TENM4: variants seen among roughly 807,000 people sequenced by gnomAD.
TENM4 encodes the protein teneurin-4.
Under a neutral mutation model 243.3 loss-of-function variants are expected in TENM4, and 82 were observed. The ratio of observed to expected loss-of-function variants is 0.34; its 90% confidence interval spans 0.28 to 0.40. The LOEUF (loss-of-function observed/expected upper bound fraction) is 0.40. TENM4 is among the 10% of genes least tolerant of loss of function. The probability of loss-of-function intolerance (pLI) is 1.00; values close to 1 mark genes in which losing one functional copy is unlikely to be tolerated. For synonymous variants in TENM4, 1,412 were observed against 1,456.3 expected (o/e 0.97, Z 0.69); for missense variants, 3,138 against 3,673.3 (o/e 0.85, Z 3.77).
At position 78,688,137 on chromosome 11, in the gene TENM4, A is replaced by C. The variant is rs770379416; in HGVS notation, c.5177T>G (p.Val1726Gly). 6.2e-7 allele frequency: 1 copy of C among 1,613,922 alleles called. No homozygotes were observed. Among genetic ancestry groups the C allele is most frequent in the Non-Finnish European group, 8.5e-7 (1 of 1,179,874 alleles). Reference sequence around the variant, plus strand: ...ATCCTTGCTGGAGGTCTCTACCTGGACATGCACTGAACTGTCTGTATCACT... The same window carrying C: ...ATCCTTGCTGGAGGTCTCTACCTGGCCATGCACTGAACTGTCTGTATCACT... The part of the protein sequence containing the change: ...FRSDTDSSVH[V>G]QVETSSKDDV... Residue 1726 changes from valine (V) to glycine (G), a missense_variant, in exon 29 of 34, where the codon GTC becomes GGC. Transcript: ENST00000278550.
At chr11:78,819,704 CA>C (rs1163528030) in intron 12 of TENM4, among the ~76,000 whole-genome samples, 22 of 152,234 alleles carry the variant, frequency 1.4e-4, no homozygotes, top group Non-Finnish European at 3.2e-4. Flanking sequence ...GCTCACCCCA[CA>C]CTTTATCCCT....
chr11:79,428,679 CTGAG>C (rs1859105065), intron 1 of TENM4, among the ~76,000 whole-genome samples: 1 of 152,286 alleles, frequency 6.6e-6, no homozygotes, highest in African/African-American at 2.4e-5. Context: ...AGAGGACAGG[CTGAG>C]TAAGAAGGCC....
At chr11:79,392,394 G>T (rs192559051) in intron 1 of TENM4, among the ~76,000 whole-genome samples, 1 of 152,346 alleles carries the variant, frequency 6.6e-6, no homozygotes, top group Non-Finnish European at 1.5e-5. Context: ...ATTGCTGATG[G>T]CCTTGGGGCA....
At chr11:78,671,911 G>C in intron 31 of TENM4, 122 bp downstream of exon 31, 1 of 1,312,652 alleles carries the variant, frequency 7.6e-7, no homozygotes, top group Non-Finnish European at 1.0e-6. Context: ...AGACTTTCCT[G>C]AACATTTCCT....
At chr11:79,225,027 G>A (rs1450745214) in intron 2 of TENM4, among the ~76,000 whole-genome samples, 1 of 152,118 alleles carries the variant, frequency 6.6e-6, no homozygotes, top group South Asian at 2.1e-4. Flanking sequence ...GTGAAGATGG[G>A]ATTCACGCTG....
intron 1 of TENM4, among the ~76,000 whole-genome samples, chr11:79,337,934 G>T (rs1279327822): frequency 1.3e-5 from 2 of 152,218 alleles, no homozygotes; most frequent in Non-Finnish European, 2.9e-5. Flanking sequence ...CCAGATCAGG[G>T]TCCTTCCTCC....
At chr11:79,257,956 G>A (rs572082106) in intron 2 of TENM4, among the ~76,000 whole-genome samples, 31 of 152,340 alleles carry the variant, frequency 2.0e-4, no homozygotes, top group Non-Finnish European at 4.1e-4. Context: ...CCTGCAGAAT[G>A]AGAGTCTGCT....
At chr11:79,401,127 C>A (rs1462616561) in intron 1 of TENM4, among the ~76,000 whole-genome samples, 1 of 152,218 alleles carries the variant, frequency 6.6e-6, no homozygotes, top group Non-Finnish European at 1.5e-5. Context: ...TACAAGGGAT[C>A]CATGGAGGTA....
At chr11:79,308,568 C>A (rs1415448697) in intron 1 of TENM4, among the ~76,000 whole-genome samples, 1 of 152,186 alleles carries the variant, frequency 6.6e-6, no homozygotes, top group Non-Finnish European at 1.5e-5. Context: ...AAAATGGTAA[C>A]TTTCAGTTAT....
At chr11:79,358,136 A>G (rs1857527965) in intron 1 of TENM4, among the ~76,000 whole-genome samples, 2 of 152,216 alleles carry the variant, frequency 1.3e-5, no homozygotes, top group Non-Finnish European at 2.9e-5. Flanking sequence ...AATCAGGGCT[A>G]TCATCACAGC....
chr11:78,882,489 T>C (rs182512644), intron 9 of TENM4, among the ~76,000 whole-genome samples: 3 of 152,292 alleles, frequency 2.0e-5, no homozygotes, highest in East Asian at 3.9e-4. Flanking sequence ...GTGCTAGGGA[T>C]TGAGTATGTG....
At chr11:79,313,533 A>G (rs1856755191) in intron 1 of TENM4, among the ~76,000 whole-genome samples, 1 of 152,208 alleles carries the variant, frequency 6.6e-6, no homozygotes, top group Non-Finnish European at 1.5e-5. Flanking sequence ...CTTTCACAGA[A>G]AGAGCTCCAT....
intron 3 of TENM4, among the ~76,000 whole-genome samples, chr11:79,210,142 T>C (rs1320440782): frequency 6.6e-6 from 1 of 152,198 alleles, no homozygotes; most frequent in Non-Finnish European, 1.5e-5. Context: ...CTCTTTAGGA[T>C]TATTTCTTCA....
At chr11:79,370,800 A>G (rs866430194) in intron 1 of TENM4, among the ~76,000 whole-genome samples, 89 of 148,652 alleles carry the variant, frequency 6.0e-4, no homozygotes, top group African/African-American at 2.2e-3. Flanking sequence ...AAAAAAAAAA[A>G]AAAAAAAAAG....
intron 2 of TENM4, among the ~76,000 whole-genome samples, chr11:79,261,720 T>C (rs1372212560): frequency 6.6e-6 from 1 of 152,162 alleles, no homozygotes; most frequent in Non-Finnish European, 1.5e-5. Flanking sequence ...GAGCGCTATG[T>C]GTTTGGAGAT....
chr11:78,701,573 G>T lies in TENM4; in HGVS notation c.5040C>A (p.Gly1680=), dbSNP rs373804691. ...TTTCATTGCTTTTGGTTGCCAGAAG[G>T]CCGGAATTGCCATGGTATGTCATCA... is the stretch of plus-strand genomic sequence containing the variant. ...LAMMTYHGNS[G]LLATKSNENG... The change falls in exon 28 of 34, where the codon GGC becomes GGA. Residue 1680 remains glycine (G), a synonymous_variant. Coordinates refer to ENST00000278550, the MANE Select transcript of TENM4 (RefSeq NM_001098816.3). 6.2e-7 allele frequency: 1 copy of T among 1,600,174 alleles called. No homozygotes were observed. The highest frequency in any genetic ancestry group is 8.6e-7 in the Non-Finnish European group (1 of 1,168,800).
chr11:79,203,739 T>C (rs1264135408), intron 3 of TENM4, among the ~76,000 whole-genome samples: 1 of 152,224 alleles, frequency 6.6e-6, no homozygotes, highest in African/African-American at 2.4e-5. Context: ...TATCTGCAGT[T>C]GGTTGAATTC....
intron 2 of TENM4, among the ~76,000 whole-genome samples, chr11:79,239,849 C>T (rs117292295): frequency 0.033 from 4,954 of 152,134 alleles, 123 homozygotes; most frequent in Non-Finnish European, 0.053. Context: ...TAGGAAAGAC[C>T]ACGCGCAGAG....
chr11:79,223,553 A>G (rs1418070419), intron 2 of TENM4, among the ~76,000 whole-genome samples: 8 of 151,934 alleles, frequency 5.3e-5, no homozygotes, highest in African/African-American at 1.7e-4. Flanking sequence ...TTGCTCCCCT[A>G]TTGTCACTGG....
Sources: gnomAD v4.1 joint callset for allele counts (sites outside exome capture counted in the v4.1 genomes callset) on GRCh38, gnomAD v4.1.1 for gene constraint, MANE v1.5 for transcripts, NCBI Gene and HGNC (gene_info 2026-07-23, HGNC 2026-07-21) for gene names.